The following ADAMTSL1 variants were observed in gnomAD, a reference collection of about 807,000 sequenced individuals.
ADAMTSL1 encodes ADAMTS-like protein 1.
Under a neutral mutation model 201.8 loss-of-function variants are expected in ADAMTSL1, and 126 were observed. The observed-to-expected ratio is 0.62, with a 90% CI of 0.54 to 0.72. ADAMTSL1 has a LOEUF of 0.72. Ranked by LOEUF, ADAMTSL1 falls within the 30% of genes least tolerant of loss-of-function variation. ADAMTSL1 has a pLI of 0.00. For synonymous variants in ADAMTSL1, 1,121 were observed against 903.4 expected (o/e 1.24, Z -4.32); for missense variants, 2,679 against 2,277.8 (o/e 1.18, Z -3.59).
intron 2 of ADAMTSL1, among the ~76,000 whole-genome samples, chr9:18,241,498 C>A (rs914031773): frequency 6.6e-6 from 1 of 152,036 alleles, no homozygotes; most frequent in Non-Finnish European, 1.5e-5. Flanking sequence ...TTAATATTCC[C>A]TTCTCAAGCT....
intron 2 of ADAMTSL1, among the ~76,000 whole-genome samples, chr9:18,177,021 G>C (rs1587234636): frequency 6.6e-6 from 1 of 152,146 alleles, no homozygotes; most frequent in Non-Finnish European, 1.5e-5. Context: ...CCCACATAGG[G>C]CTATTGCTTT....
intron 4 of ADAMTSL1, among the ~76,000 whole-genome samples, chr9:18,609,348 C>G (rs180842782): frequency 7.4e-5 from 11 of 149,392 alleles, no homozygotes; most frequent in African/African-American, 2.7e-4. Context: ...TCATTTCTAA[C>G]AGAACCCTAC....
chr9:18,353,053 C>A (rs1415278107), intron 2 of ADAMTSL1, among the ~76,000 whole-genome samples: 1 of 152,202 alleles, frequency 6.6e-6, no homozygotes, highest in African/African-American at 2.4e-5. Flanking sequence ...GCTCCTAAAG[C>A]ATTAAGTCCC....
chr9:18,427,333 C>G (rs933076958), intron 2 of ADAMTSL1, among the ~76,000 whole-genome samples: 1 of 152,154 alleles, frequency 6.6e-6, no homozygotes, highest in Non-Finnish European at 1.5e-5. Flanking sequence ...CTTTCCATGG[C>G]TTAGGCTAGG....
intron 4 of ADAMTSL1, among the ~76,000 whole-genome samples, chr9:18,587,090 T>C (rs770316675): frequency 4.6e-5 from 7 of 151,894 alleles, no homozygotes; most frequent in South Asian, 2.1e-4. Context: ...AAAGCAAACA[T>C]TGACAAATGA....
At chr9:18,465,874 G>T (rs569543285) in intron 2 of ADAMTSL1, among the ~76,000 whole-genome samples, 2 of 152,266 alleles carry the variant, frequency 1.3e-5, no homozygotes, top group South Asian at 4.1e-4. Context: ...TCAGCCTCCA[G>T]AGTAGCTGGG....
At chr9:17,919,207 C>G (rs992592111) in intron 1 of ADAMTSL1, among the ~76,000 whole-genome samples, 3 of 150,778 alleles carry the variant, frequency 2.0e-5, no homozygotes, top group Admixed American at 6.6e-5. Context: ...GTTGTAGTGG[C>G]AATAGTGAGC....
chr9:18,169,615 T>G (rs1277565179), intron 2 of ADAMTSL1, among the ~76,000 whole-genome samples: 3 of 152,168 alleles, frequency 2.0e-5, no homozygotes, highest in Non-Finnish European at 2.9e-5. Flanking sequence ...GCGGGCTCTT[T>G]TTTAGTTCCA....
chr9:18,599,878 C>A (rs142708682), intron 4 of ADAMTSL1, among the ~76,000 whole-genome samples: 1 of 150,618 alleles, frequency 6.6e-6, no homozygotes, highest in South Asian at 2.1e-4. Flanking sequence ...TCTGGCTGGG[C>A]GCGGTGGCTC....
chr9:18,568,828 A>G (rs554650877), intron 3 of ADAMTSL1, among the ~76,000 whole-genome samples: 119 of 152,022 alleles, frequency 7.8e-4, no homozygotes, highest in Non-Finnish European at 1.5e-3. Context: ...TACACATAAA[A>G]GCATTAATAG....
Position 18,168,166 on chromosome 9 carries a change from A to G in ADAMTSL1, c.207+4185A>G, listed in dbSNP as rs868466712. 2.6e-5 allele frequency among the ~76,000 whole-genome samples: 4 copies of G among 152,036 alleles called. No homozygotes were observed. In the South Asian group the frequency reaches 8.3e-4, roughly 32 times the overall value. On this transcript the variant is annotated intron_variant, in intron 2 of 29. Coordinates refer to the ADAMTSL1 transcript ENST00000680146. ...TTTAGGATACATGTGCACAACGTGC[A>G]GGTTTGTTACATATGTATGCATGTG...
chr9:18,167,958 T>A (rs1827710006), intron 2 of ADAMTSL1, among the ~76,000 whole-genome samples: 2 of 152,024 alleles, frequency 1.3e-5, no homozygotes, highest in East Asian at 3.9e-4. Context: ...CCTGACAGAA[T>A]GTTTAGGAAC....
intron 1 of ADAMTSL1, among the ~76,000 whole-genome samples, chr9:18,070,655 C>G (rs766873387): frequency 6.6e-5 from 10 of 152,184 alleles, no homozygotes; most frequent in Non-Finnish European, 1.2e-4. Context: ...AAGATAAAAT[C>G]TTGGGAAATG....
In ADAMTSL1 at chr9:18,169,846, A is replaced by G. The variant is rs145033800; in HGVS notation, c.207+5865A>G. Among the ~76,000 whole-genome samples, 10 of 152,126 alleles carry G rather than the reference A, an allele frequency of 6.6e-5. No homozygotes were observed. The East Asian group carries it at 1.7e-3, about 27-fold the overall frequency. On this transcript the variant is annotated intron_variant, in intron 2 of 29. Coordinates refer to the ADAMTSL1 transcript ENST00000680146. Reference sequence around the variant, plus strand: ...TCTTAACTAGTTTTATGCAAAGGAGAATAGTGCATTGATTTTGGAAGGGTC... The same window carrying G: ...TCTTAACTAGTTTTATGCAAAGGAGGATAGTGCATTGATTTTGGAAGGGTC...
At chr9:18,468,875 G>A (rs1361363799) in intron 2 of ADAMTSL1, among the ~76,000 whole-genome samples, 1 of 152,172 alleles carries the variant, frequency 6.6e-6, no homozygotes, top group African/African-American at 2.4e-5. Flanking sequence ...GCCATTTGGA[G>A]ACGAATCAGA....
chr9:17,927,335 TAC>T (rs1282564524), intron 1 of ADAMTSL1, among the ~76,000 whole-genome samples: 1 of 152,132 alleles, frequency 6.6e-6, no homozygotes, highest in Non-Finnish European at 1.5e-5. Context: ...CACATACATA[TAC>T]ACATATATGT....
At chr9:18,033,260 T>C (rs1161892813) in intron 1 of ADAMTSL1, among the ~76,000 whole-genome samples, 1 of 152,126 alleles carries the variant, frequency 6.6e-6, no homozygotes, top group Admixed American at 6.5e-5. Context: ...ATGTTCTTAT[T>C]CCAAAGAAAT....
intron 13 of ADAMTSL1, among the ~76,000 whole-genome samples, chr9:18,705,798 A>T (rs1312268311): frequency 6.6e-6 from 1 of 152,228 alleles, no homozygotes; most frequent in Non-Finnish European, 1.5e-5. Context: ...GAGCCAGACT[A>T]AAAAAGAAAC....
intron 2 of ADAMTSL1, among the ~76,000 whole-genome samples, chr9:18,236,916 C>T (rs1830871551): frequency 6.6e-6 from 1 of 152,134 alleles, no homozygotes; most frequent in South Asian, 2.1e-4. Context: ...TTTATGTGCA[C>T]CTACAATTAC....
Sources: gnomAD v4.1 joint callset for allele counts (sites outside exome capture counted in the v4.1 genomes callset) on GRCh38, gnomAD v4.1.1 for gene constraint, MANE v1.5 for transcripts, NCBI Gene and HGNC (gene_info 2026-07-23, HGNC 2026-07-21) for gene names.